SLC35F4: variants seen among roughly 807,000 people sequenced by gnomAD.
The protein encoded by SLC35F4 is solute carrier family 35 member F4.
In SLC35F4, 24 loss-of-function variants were observed where a neutral mutation model predicts 44.2. The ratio of observed to expected loss-of-function variants is 0.54; its 90% CI spans 0.39 to 0.76. SLC35F4 has a LOEUF of 0.76. Ranked by LOEUF, SLC35F4 falls within the 30% of genes least tolerant of loss-of-function variation. SLC35F4 has a pLI of 0.00. For missense variants in SLC35F4, 562 were observed against 586.1 expected, an observed-to-expected ratio of 0.96 and a Z score of 0.42; for synonymous variants, 238 against 223.6, an observed-to-expected ratio of 1.06 and a Z score of -0.57.
chr14:57,946,625 C>T (rs1397416940), intron 1 of SLC35F4, among the ~76,000 whole-genome samples: 2 of 151,848 alleles, frequency 1.3e-5, no homozygotes, highest in Admixed American at 1.3e-4. Context: ...CAGGCATGTG[C>T]CACCATGCCT....
At chr14:57,614,017 T>G (rs1427712641) in intron 1 of SLC35F4, among the ~76,000 whole-genome samples, 1 of 152,212 alleles carries the variant, frequency 6.6e-6, no homozygotes, top group Non-Finnish European at 1.5e-5. Flanking sequence ...TTACTTAAAC[T>G]CAGGGCATAT....
intron 1 of SLC35F4, among the ~76,000 whole-genome samples, chr14:57,777,746 T>C (rs1451805473): frequency 6.6e-6 from 1 of 152,086 alleles, no homozygotes; most frequent in Non-Finnish European, 1.5e-5. Flanking sequence ...AATCTGCATG[T>C]TGTACACATG....
At chr14:57,751,159 A>G (rs1481804714) in intron 1 of SLC35F4, among the ~76,000 whole-genome samples, 1 of 152,224 alleles carries the variant, frequency 6.6e-6, no homozygotes, top group Non-Finnish European at 1.5e-5. Context: ...CCCATTTTCC[A>G]TAAGAAGGAA....
chr14:57,723,227 G>C (rs6573162), intron 1 of SLC35F4, among the ~76,000 whole-genome samples: 60,350 of 152,024 alleles, frequency 0.4, 12,009 homozygotes, highest in Middle Eastern at 0.41. Context: ...CCCAGTGCCA[G>C]AATGCATAAT....
At chr14:57,878,566 ATGCTGTTCCCTCTATC>A (rs1169361326) in intron 1 of SLC35F4, among the ~76,000 whole-genome samples, 3 of 152,124 alleles carry the variant, frequency 2.0e-5, no homozygotes, top group Admixed American at 2.0e-4. Context: ...ATTTTTATAC[ATGCTGTTCCCTCTATC>A]TGGAACACTC....
intron 1 of SLC35F4, among the ~76,000 whole-genome samples, chr14:57,681,702 G>A (rs548259339): frequency 1.3e-5 from 2 of 152,088 alleles, no homozygotes; most frequent in South Asian, 2.1e-4. Flanking sequence ...TATCATCACA[G>A]TGAACAGGAA....
chr14:57,758,941 A>T (rs1392640000), intron 1 of SLC35F4, among the ~76,000 whole-genome samples: 5 of 152,096 alleles, frequency 3.3e-5, no homozygotes, highest in Admixed American at 1.3e-4. Context: ...TCTTTCTATG[A>T]GTTTGACTAT....
At chr14:57,750,135 C>T (rs79214842) in intron 1 of SLC35F4, among the ~76,000 whole-genome samples, 5 of 152,190 alleles carry the variant, frequency 3.3e-5, no homozygotes, top group East Asian at 1.9e-4. Context: ...TGAAAACATG[C>T]GGTATTTGTC....
chr14:57,889,853 T>C (rs10873103), intron 1 of SLC35F4, among the ~76,000 whole-genome samples: 41,113 of 152,054 alleles, frequency 0.27, 6,118 homozygotes, highest in African/African-American at 0.4. Flanking sequence ...TCTTTGTTCA[T>C]TCATTCATTC....
chr14:57,614,490 G>A (rs1331060977), intron 1 of SLC35F4, among the ~76,000 whole-genome samples: 3 of 152,128 alleles, frequency 2.0e-5, no homozygotes, highest in Admixed American at 1.3e-4. Flanking sequence ...GCTGATACAT[G>A]GTGAGGTTTC....
At chr14:57,653,220 C>A (rs2073848194) in intron 1 of SLC35F4, among the ~76,000 whole-genome samples, 1 of 152,226 alleles carries the variant, frequency 6.6e-6, no homozygotes, top group Admixed American at 6.5e-5. Flanking sequence ...GAAGAAATAA[C>A]AGTAGGATCC....
chr14:57,797,685 C>A (rs187294698), intron 1 of SLC35F4, among the ~76,000 whole-genome samples: 2 of 152,112 alleles, frequency 1.3e-5, no homozygotes, highest in South Asian at 4.2e-4. Flanking sequence ...CAGAAAAGAC[C>A]AGATGTCTTA....
At chr14:57,879,565 C>T (rs529323615) in intron 1 of SLC35F4, among the ~76,000 whole-genome samples, 2 of 152,296 alleles carry the variant, frequency 1.3e-5, no homozygotes, top group Admixed American at 6.5e-5. Flanking sequence ...CATCTCATGA[C>T]TTTGCTGCTC....
At chr14:57,644,065 C>T (rs2073377059) in intron 1 of SLC35F4, among the ~76,000 whole-genome samples, 1 of 152,106 alleles carries the variant, frequency 6.6e-6, no homozygotes, top group Non-Finnish European at 1.5e-5. Flanking sequence ...ATGAATAGTG[C>T]CATAATAAAC....
chr14:57,785,117 A>G (rs1342516631), intron 1 of SLC35F4, among the ~76,000 whole-genome samples: 1 of 152,244 alleles, frequency 6.6e-6, no homozygotes, highest in South Asian at 2.1e-4. Flanking sequence ...TTGACTGCAC[A>G]GGGAGTTTGT....
chr14:57,629,142 CTTTGT>C (rs1305112836), intron 1 of SLC35F4, among the ~76,000 whole-genome samples: 1 of 152,092 alleles, frequency 6.6e-6, no homozygotes, highest in Non-Finnish European at 1.5e-5. Context: ...CTTCCTCTGA[CTTTGT>C]TTTGAGTCTC....
intron 1 of SLC35F4, among the ~76,000 whole-genome samples, chr14:57,939,847 A>G (rs1023733313): frequency 6.6e-6 from 1 of 152,282 alleles, no homozygotes; most frequent in East Asian, 1.9e-4. Context: ...ATATATAAAT[A>G]TTTTTTTACA....
At chr14:57,782,035 A>G (rs1033424748) in intron 1 of SLC35F4, among the ~76,000 whole-genome samples, 3 of 152,226 alleles carry the variant, frequency 2.0e-5, no homozygotes, top group African/African-American at 7.2e-5. Context: ...CTATATAACA[A>G]ACCTGCACAT....
intron 1 of SLC35F4, among the ~76,000 whole-genome samples, chr14:57,620,767 T>C (rs1174553064): frequency 6.6e-6 from 1 of 152,200 alleles, no homozygotes; most frequent in African/African-American, 2.4e-5. Context: ...AAGACAGGGA[T>C]GCCCTCTCTC....
Sources: gnomAD v4.1 joint callset for allele counts (sites outside exome capture counted in the v4.1 genomes callset) on GRCh38, gnomAD v4.1.1 for gene constraint, MANE v1.5 for transcripts, NCBI Gene and HGNC (gene_info 2026-07-23, HGNC 2026-07-21) for gene names.